Variants in EXOC6B observed in about 807,000 individuals in gnomAD.
EXOC6B encodes the protein exocyst complex component 6B, also known as SEC15 homolog B.
A neutral mutation model predicts 113.5 loss-of-function variants in EXOC6B; 54 were observed. The ratio of observed to expected loss-of-function variants is 0.48; its 90% CI spans 0.38 to 0.60. EXOC6B has a LOEUF of 0.60. EXOC6B is among the 20% of genes least tolerant of loss of function. The pLI is 0.00. For synonymous variants in EXOC6B, 357 were observed against 339.0 expected (o/e 1.05, Z -0.58); for missense variants, 797 against 977.5 (o/e 0.82, Z 2.46).
At chr2:72,789,831 T>A (rs1024734553) in intron 1 of EXOC6B, among the ~76,000 whole-genome samples, 1 of 152,122 alleles carries the variant, frequency 6.6e-6, no homozygotes, top group Admixed American at 6.5e-5. Flanking sequence ...AGTTAGGGAT[T>A]TTTCTCAATA....
At chr2:72,561,315 A>G (rs1703873002) in intron 7 of EXOC6B, among the ~76,000 whole-genome samples, 1 of 152,170 alleles carries the variant, frequency 6.6e-6, no homozygotes, top group African/African-American at 2.4e-5. Context: ...AAAATATTTA[A>G]AAGTTTGATC....
At chr2:72,647,904 G>A (rs1673858198) in intron 6 of EXOC6B, among the ~76,000 whole-genome samples, 1 of 152,072 alleles carries the variant, frequency 6.6e-6, no homozygotes, top group African/African-American at 2.4e-5. Flanking sequence ...CAAAAGCACT[G>A]GCAAGAAAAA....
chr2:72,578,102 G>A (rs1321523987), intron 6 of EXOC6B, among the ~76,000 whole-genome samples: 1 of 151,994 alleles, frequency 6.6e-6, no homozygotes, highest in Non-Finnish European at 1.5e-5. Context: ...CCAAAACCCA[G>A]TAGCACAGGT....
intron 8 of EXOC6B, among the ~76,000 whole-genome samples, chr2:72,519,439 C>T (rs112777581): frequency 7.2e-5 from 11 of 152,246 alleles, no homozygotes; most frequent in African/African-American, 2.4e-4. Flanking sequence ...ACAGTGAAAA[C>T]CAACATGGTA....
intron 6 of EXOC6B, among the ~76,000 whole-genome samples, chr2:72,583,195 T>C (rs1336332474): frequency 6.6e-6 from 1 of 152,160 alleles, no homozygotes; most frequent in African/African-American, 2.4e-5. Flanking sequence ...CTTCAAGAAC[T>C]ATGAGATTAT....
intron 20 of EXOC6B, among the ~76,000 whole-genome samples, chr2:72,302,554 T>G (rs987443901): frequency 6.6e-6 from 1 of 152,256 alleles, no homozygotes; most frequent in Non-Finnish European, 1.5e-5. Context: ...GTCTTCTTGT[T>G]GAATTGAACC....
At position 72,480,596 on chromosome 2, in the gene EXOC6B, G is replaced by T; in HGVS notation, c.1800+20C>A. On this transcript the variant is annotated intron_variant, in intron 17 of 21. Coordinates refer to ENST00000272427, the MANE Select transcript of EXOC6B (RefSeq NM_015189.3). ...TGTGTACACCAGAAGCAGTTCCACA[G>T]TACTGTAGGGCCCTCTCACCTTAAA... is the stretch of plus-strand genomic sequence containing the variant. The T allele has an allele frequency of 6.4e-7, 1 of 1,567,576 alleles. No homozygotes were observed. Among genetic ancestry groups the T allele is most frequent in the East Asian group, 2.3e-5 (1 of 42,880 alleles).
At chr2:72,205,630 G>T (rs17007937) in intron 20 of EXOC6B, among the ~76,000 whole-genome samples, 10,875 of 152,244 alleles carry the variant, frequency 0.071, 532 homozygotes, top group African/African-American at 0.14. Context: ...AGTGACAGGG[G>T]TGCTAAAGAG....
chr2:72,336,245 C>A (rs1427903282), intron 19 of EXOC6B, among the ~76,000 whole-genome samples: 1 of 152,122 alleles, frequency 6.6e-6, no homozygotes, highest in Non-Finnish European at 1.5e-5. Context: ...CTTTTGCAAT[C>A]AATAAAATCT....
rs1220030363 is a variant in EXOC6B, at chr2:72,459,993, G to C, written c.1980+5167C>G. On this transcript the variant is annotated intron_variant, in intron 18 of 21. Transcript: ENST00000272427. ...ACAGTAACCAAAACAGCATGGTACT[G>C]GTACCAAAACAGAGATATAGATCAA... is the stretch of plus-strand genomic sequence containing the variant. 2.0e-5 allele frequency among the ~76,000 whole-genome samples: 3 copies of C among 152,058 alleles called. No individual in the cohort carries two copies. In the South Asian group the frequency reaches 6.2e-4, roughly 32 times the overall value.
At chr2:72,443,240 T>C (rs1401663381) in intron 18 of EXOC6B, among the ~76,000 whole-genome samples, 24 of 151,106 alleles carry the variant, frequency 1.6e-4, no homozygotes, top group Admixed American at 1.4e-3. Flanking sequence ...GAAGAATCAC[T>C]TGAATCTGGG....
intron 18 of EXOC6B, among the ~76,000 whole-genome samples, chr2:72,419,075 T>C (rs1040717104): frequency 1.3e-5 from 2 of 152,158 alleles, no homozygotes; most frequent in Non-Finnish European, 1.5e-5. Context: ...ACTTAAGAAA[T>C]AAACAAAAAC....
At chr2:72,459,509 T>C (rs1697485437) in intron 18 of EXOC6B, among the ~76,000 whole-genome samples, 1 of 152,138 alleles carries the variant, frequency 6.6e-6, no homozygotes, top group Non-Finnish European at 1.5e-5. Context: ...CAGCAAAGTC[T>C]CAGGATACAA....
intron 1 of EXOC6B, among the ~76,000 whole-genome samples, chr2:72,777,263 C>A (rs1292331595): frequency 6.6e-6 from 1 of 152,062 alleles, no homozygotes; most frequent in East Asian, 1.9e-4. Flanking sequence ...AAAACAGACT[C>A]TTGAGATTCT....
intron 20 of EXOC6B, among the ~76,000 whole-genome samples, chr2:72,300,174 T>C (rs1686419298): frequency 6.6e-6 from 1 of 152,176 alleles, no homozygotes; most frequent in African/African-American, 2.4e-5. Context: ...GTTTCATCTA[T>C]AAGTCTCTGA....
At chr2:72,367,258 T>C (rs186444212) in intron 19 of EXOC6B, among the ~76,000 whole-genome samples, 74 of 151,158 alleles carry the variant, frequency 4.9e-4, no homozygotes, top group Non-Finnish European at 8.7e-4. Flanking sequence ...ATATTGTAAA[T>C]CCAGGAACAA....
intron 19 of EXOC6B, among the ~76,000 whole-genome samples, chr2:72,339,442 C>A (rs1255362720): frequency 2.0e-5 from 3 of 152,090 alleles, no homozygotes; most frequent in Non-Finnish European, 4.4e-5. Flanking sequence ...GGTACTTGCT[C>A]CACTCAATGC....
intron 15 of EXOC6B, among the ~76,000 whole-genome samples, chr2:72,493,991 T>C (rs932115431): frequency 2.6e-5 from 4 of 152,106 alleles, no homozygotes; most frequent in African/African-American, 7.2e-5. Context: ...CACTCCAAGT[T>C]ATAAGGTAAA....
intron 8 of EXOC6B, among the ~76,000 whole-genome samples, chr2:72,552,934 C>G (rs752878096): frequency 8.6e-5 from 13 of 151,942 alleles, no homozygotes; most frequent in Middle Eastern, 3.4e-3. Flanking sequence ...GATATATTCT[C>G]TTTAAGATTA....
Sources: allele counts gnomAD v4.1 joint callset (sites outside exome capture counted in the v4.1 genomes callset), GRCh38; gene constraint gnomAD v4.1.1; transcripts MANE v1.5; gene names NCBI Gene and HGNC (gene_info 2026-07-23, HGNC 2026-07-21).